Variants in RAB38 observed in about 807,000 individuals in gnomAD.
RAB38 encodes the protein ras-related protein Rab-38.
In RAB38, 15 loss-of-function variants were observed where a neutral mutation model predicts 18.4. The observed-to-expected ratio is 0.82, with a 90% CI of 0.55 to 1.26. The LOEUF (loss-of-function observed/expected upper bound fraction) is 1.26. Ranked by LOEUF, RAB38 falls within the 50% of genes most tolerant of loss-of-function variation. The pLI is 0.00. For missense variants in RAB38, 294 were observed against 267.4 expected (o/e 1.10, Z -0.69); for synonymous variants, 101 against 104.4 (o/e 0.97, Z 0.20).
At chr11:87,956,485 G>T in the RAB38 span, among the ~76,000 whole-genome samples, 107 of 152,162 alleles carry the variant, frequency 7.0e-4, no homozygotes, top group African/African-American at 2.2e-3. Context: ...CTGCACCATG[G>T]CCTCCCACTC....
chr11:87,814,846 G>A, the RAB38 span, among the ~76,000 whole-genome samples: 1 of 151,476 alleles, frequency 6.6e-6, no homozygotes, highest in South Asian at 2.1e-4. Flanking sequence ...CCATTCTCCT[G>A]CCTCAGCCTC....
the RAB38 span, among the ~76,000 whole-genome samples, chr11:87,902,526 C>A: frequency 6.6e-6 from 1 of 151,354 alleles, no homozygotes; most frequent in Non-Finnish European, 1.5e-5. Flanking sequence ...ACACATAAAG[C>A]TTATTCATTT....
chr11:88,116,249 A>T (rs1007879036), intron 2 of RAB38, among the ~76,000 whole-genome samples: 3 of 152,146 alleles, frequency 2.0e-5, no homozygotes, highest in African/African-American at 7.2e-5. Flanking sequence ...ATGGTCCCCT[A>T]CTGTGTCCCA....
At chr11:88,164,332 A>T (rs1225274945) in intron 1 of RAB38, among the ~76,000 whole-genome samples, 1 of 151,640 alleles carries the variant, frequency 6.6e-6, no homozygotes, top group African/African-American at 2.4e-5. Context: ...ATACGGTAGT[A>T]CTCAAGATCC....
At chr11:87,862,650 T>C in the RAB38 span, among the ~76,000 whole-genome samples, 1 of 151,802 alleles carries the variant, frequency 6.6e-6, no homozygotes, top group Admixed American at 6.6e-5. Context: ...CTTGTACCCC[T>C]GAACTTAAAC....
the RAB38 span, among the ~76,000 whole-genome samples, chr11:87,841,237 A>C: frequency 6.6e-6 from 1 of 152,138 alleles, no homozygotes; most frequent in African/African-American, 2.4e-5. Flanking sequence ...AGAGGGACCC[A>C]GTGAGAAGTA....
the RAB38 span, among the ~76,000 whole-genome samples, chr11:87,837,628 G>A: frequency 6.6e-6 from 1 of 152,080 alleles, no homozygotes; most frequent in South Asian, 2.1e-4. Context: ...TTATCACTCA[G>A]TCTTCACAAA....
intron 1 of RAB38, among the ~76,000 whole-genome samples, chr11:88,155,763 T>C (rs749369497): frequency 2.6e-5 from 4 of 152,152 alleles, no homozygotes; most frequent in Non-Finnish European, 5.9e-5. Context: ...AGATCCAATA[T>C]AAGATTGAAA....
At chr11:88,043,055 G>A in the RAB38 span, among the ~76,000 whole-genome samples, 1 of 151,574 alleles carries the variant, frequency 6.6e-6, no homozygotes, top group Non-Finnish European at 1.5e-5. Context: ...TTTTTTACTG[G>A]AAAAGAGCCT....
intron 1 of RAB38, among the ~76,000 whole-genome samples, chr11:88,163,783 T>C (rs990144277): frequency 4.6e-5 from 7 of 152,134 alleles, no homozygotes; most frequent in African/African-American, 1.7e-4. Context: ...AAGCAGTGCA[T>C]GTGATATATA....
chr11:87,898,113 A>G, the RAB38 span, among the ~76,000 whole-genome samples: 1 of 151,642 alleles, frequency 6.6e-6, no homozygotes, highest in East Asian at 2.0e-4. Flanking sequence ...AATAACCTCC[A>G]AAAGTTGCCT....
chr11:87,874,753 C>CT, the RAB38 span, among the ~76,000 whole-genome samples: 1 of 151,268 alleles, frequency 6.6e-6, no homozygotes, highest in African/African-American at 2.4e-5. Context: ...GAGATATCAC[C>CT]TTACATCTGT....
At chr11:87,853,469 G>A in the RAB38 span, among the ~76,000 whole-genome samples, 6 of 152,282 alleles carry the variant, frequency 3.9e-5, no homozygotes, top group South Asian at 4.2e-4. Flanking sequence ...ATGTGCTGGC[G>A]CCTTGGTCTT....
the RAB38 span, among the ~76,000 whole-genome samples, chr11:88,037,479 T>C: frequency 6.6e-6 from 1 of 152,126 alleles, no homozygotes; most frequent in Non-Finnish European, 1.5e-5. Context: ...AAGTGTACAG[T>C]TTGAGCACTC....
chr11:88,017,364 T>TACAC, the RAB38 span, among the ~76,000 whole-genome samples: 738 of 150,556 alleles, frequency 4.9e-3, 1 homozygote, highest in African/African-American at 0.017. Context: ...TATAGACACA[T>TACAC]ACACACACAC....
intron 1 of RAB38, among the ~76,000 whole-genome samples, chr11:88,157,107 A>G (rs545912470): frequency 1.3e-5 from 2 of 152,320 alleles, no homozygotes; most frequent in East Asian, 1.9e-4. Context: ...TCCATCTCAC[A>G]TGTAATGACA....
chr11:88,038,214 A>C, the RAB38 span, among the ~76,000 whole-genome samples: 2 of 152,168 alleles, frequency 1.3e-5, no homozygotes, highest in Non-Finnish European at 2.9e-5. Flanking sequence ...AGCAGAAAGA[A>C]TCCTGAGCAA....
the RAB38 span, among the ~76,000 whole-genome samples, chr11:87,925,703 G>A: frequency 6.6e-6 from 1 of 151,984 alleles, no homozygotes; most frequent in African/African-American, 2.4e-5. Context: ...GGGACCAGTG[G>A]GCAAATGTTA....
At chr11:87,821,667 T>C in the RAB38 span, among the ~76,000 whole-genome samples, 4 of 151,810 alleles carry the variant, frequency 2.6e-5, no homozygotes, top group African/African-American at 4.8e-5. Context: ...CTGGCCAACA[T>C]GACAAAACCC....
Sources: gnomAD v4.1 joint callset for allele counts (sites outside exome capture counted in the v4.1 genomes callset) on GRCh38, gnomAD v4.1.1 for gene constraint, MANE v1.5 for transcripts, NCBI Gene and HGNC (gene_info 2026-07-23, HGNC 2026-07-21) for gene names.